RBPMS: variants seen among roughly 807,000 people sequenced by gnomAD.
The protein encoded by RBPMS is RNA-binding protein with multiple splicing.
RBPMS carries 7 observed loss-of-function variants against 26.8 expected under a neutral mutation model. The observed-to-expected ratio is 0.26, with a 90% CI of 0.15 to 0.49. The LOEUF (loss-of-function observed/expected upper bound fraction) is 0.49. Among genes scored for constraint, RBPMS ranks in the 20% least tolerant of loss-of-function variants. The probability of loss-of-function intolerance (pLI) is 0.98; values close to 1 mark genes in which losing one functional copy is unlikely to be tolerated. For missense variants in RBPMS, 186 were observed against 250.0 expected, an observed-to-expected ratio of 0.74 and a Z score of 1.73; for synonymous variants, 96 against 93.3, an observed-to-expected ratio of 1.03 and a Z score of -0.17.
chr8:30,543,892 C>T (rs1294055082), intron 5 of RBPMS, among the ~76,000 whole-genome samples: 1 of 152,196 alleles, frequency 6.6e-6, no homozygotes, highest in Non-Finnish European at 1.5e-5. Flanking sequence ...AATCAGGATT[C>T]TCAAGGTTTT....
chr8:30,408,153 A>C (rs1258302069), intron 1 of RBPMS, among the ~76,000 whole-genome samples: 2 of 152,118 alleles, frequency 1.3e-5, no homozygotes, highest in African/African-American at 4.8e-5. Flanking sequence ...GCCTGTCTAG[A>C]CCCTTAAGTT....
intron 1 of RBPMS, among the ~76,000 whole-genome samples, chr8:30,466,085 A>G (rs569047444): frequency 1.3e-5 from 2 of 152,270 alleles, no homozygotes; most frequent in East Asian, 3.9e-4. Flanking sequence ...CCTGGTTTCC[A>G]TAGGCCCTAA....
chr8:30,527,651 C>G (rs887870051), intron 5 of RBPMS, among the ~76,000 whole-genome samples: 14 of 152,240 alleles, frequency 9.2e-5, no homozygotes, highest in Admixed American at 7.8e-4. Context: ...TTCCCAGCCC[C>G]AGCATCCTGT....
chr8:30,516,645 C>T (rs1174665419), intron 5 of RBPMS, among the ~76,000 whole-genome samples: 1 of 152,050 alleles, frequency 6.6e-6, no homozygotes, highest in Non-Finnish European at 1.5e-5. Context: ...GGAAATTAAA[C>T]AAAAATTTTT....
intron 1 of RBPMS, among the ~76,000 whole-genome samples, chr8:30,461,543 T>C (rs999414888): frequency 6.6e-6 from 1 of 152,120 alleles, no homozygotes; most frequent in Non-Finnish European, 1.5e-5. Flanking sequence ...TACAGGCGCG[T>C]GCCACCACGC....
intron 1 of RBPMS, among the ~76,000 whole-genome samples, chr8:30,434,321 T>A (rs1812224291): frequency 1.3e-5 from 2 of 152,024 alleles, no homozygotes. Context: ...ATGAGGAGTA[T>A]CAAAGATTGT....
chr8:30,478,370 C>G (rs545224027), intron 3 of RBPMS, among the ~76,000 whole-genome samples: 5 of 151,982 alleles, frequency 3.3e-5, no homozygotes, highest in African/African-American at 1.2e-4. Flanking sequence ...ACACACCTCT[C>G]GAATCACTAT....
At chr8:30,557,910 A>G (rs1370147747) in intron 6 of RBPMS, among the ~76,000 whole-genome samples, 1 of 152,114 alleles carries the variant, frequency 6.6e-6, no homozygotes, top group African/African-American at 2.4e-5. Context: ...CATTGCCCAG[A>G]ATGGAGTGCA....
chr8:30,480,541 T>C (rs1364319322), intron 4 of RBPMS, among the ~76,000 whole-genome samples: 1 of 152,192 alleles, frequency 6.6e-6, no homozygotes, highest in Non-Finnish European at 1.5e-5. Flanking sequence ...TATAGGAACA[T>C]CTTAGGATTC....
intron 1 of RBPMS, among the ~76,000 whole-genome samples, chr8:30,415,992 G>C (rs1296136103): frequency 6.6e-6 from 1 of 152,210 alleles, no homozygotes; most frequent in African/African-American, 2.4e-5. Flanking sequence ...CATTCCAAGT[G>C]ATATGTGCCA....
chr8:30,468,621 T>C (rs1816765758), intron 1 of RBPMS, among the ~76,000 whole-genome samples: 1 of 152,210 alleles, frequency 6.6e-6, no homozygotes, highest in South Asian at 2.1e-4. Context: ...TGGATTTGCA[T>C]ATGTTTCTAA....
chr8:30,472,959 T>C (rs1817296258), intron 1 of RBPMS, among the ~76,000 whole-genome samples: 1 of 152,216 alleles, frequency 6.6e-6, no homozygotes, highest in African/African-American at 2.4e-5. Context: ...TGTCTAATAT[T>C]CTCCCCATCT....
chr8:30,550,000 G>A (rs1026041969), intron 6 of RBPMS, among the ~76,000 whole-genome samples: 7 of 151,850 alleles, frequency 4.6e-5, no homozygotes, highest in African/African-American at 1.7e-4. Context: ...ACAGGCGCCT[G>A]TCACCACGCC....
intron 5 of RBPMS, among the ~76,000 whole-genome samples, chr8:30,507,597 T>C (rs542104351): frequency 6.6e-6 from 1 of 152,216 alleles, no homozygotes; most frequent in Non-Finnish European, 1.5e-5. Context: ...TTAATAGAAT[T>C]GATCATTAAT....
intron 6 of RBPMS, among the ~76,000 whole-genome samples, chr8:30,549,837 T>C (rs1213273157): frequency 2.0e-5 from 3 of 149,566 alleles, no homozygotes; most frequent in African/African-American, 7.5e-5. Context: ...TTTTCTTTCT[T>C]TTCTTTCTTT....
chr8:30,439,286 A>G (rs1812811872), intron 1 of RBPMS, among the ~76,000 whole-genome samples: 1 of 152,234 alleles, frequency 6.6e-6, no homozygotes, highest in Non-Finnish European at 1.5e-5. Flanking sequence ...CTCTTTAATC[A>G]AAGTCAAAAG....
chr8:30,513,386 G>A (rs750963031), intron 5 of RBPMS, among the ~76,000 whole-genome samples: 5 of 151,918 alleles, frequency 3.3e-5, no homozygotes, highest in Admixed American at 6.6e-5. Flanking sequence ...TCAGGAGATT[G>A]AGACCATCCT....
At chr8:30,390,853 T>G (rs1455476484) in intron 1 of RBPMS, among the ~76,000 whole-genome samples, 1 of 152,230 alleles carries the variant, frequency 6.6e-6, no homozygotes, top group East Asian at 1.9e-4. Context: ...CACACTTACA[T>G]ATATACACGT....
chr8:30,541,606 G>A (rs949403971), intron 5 of RBPMS, among the ~76,000 whole-genome samples: 1 of 152,078 alleles, frequency 6.6e-6, no homozygotes, highest in African/African-American at 2.4e-5. Context: ...CACTCTGGGT[G>A]GTCAAGAGCC....
Sources: gnomAD v4.1 joint callset for allele counts (sites outside exome capture counted in the v4.1 genomes callset) on GRCh38, gnomAD v4.1.1 for gene constraint, MANE v1.5 for transcripts, NCBI Gene and HGNC (gene_info 2026-07-23, HGNC 2026-07-21) for gene names.